The following RBFOX3 variants were observed in gnomAD, a reference collection of about 807,000 sequenced individuals.
The protein encoded by RBFOX3 is RNA binding protein fox-1 homolog 3.
Under a neutral mutation model 48.7 loss-of-function variants are expected in RBFOX3, and 17 were observed. The ratio of observed to expected loss-of-function variants is 0.35; its 90% CI spans 0.24 to 0.52. The LOEUF is 0.52. RBFOX3 is among the 20% of genes least tolerant of loss of function. RBFOX3 has a pLI of 0.94. For missense variants in RBFOX3, 382 were observed against 497.5 expected (o/e 0.77, Z 2.21); for synonymous variants, 212 against 209.5 (o/e 1.01, Z -0.10).
At chr17:79,463,546 CATCACCACT>C (rs1288060327) in intron 2 of RBFOX3, among the ~76,000 whole-genome samples, 29 of 145,176 alleles carry the variant, frequency 2.0e-4, no homozygotes, top group African/African-American at 6.2e-4. Context: ...CCTCCACCAC[CATCACCACT>C]GACACCTCCA....
In RBFOX3 at chr17:79,242,423, C is replaced by T. The variant is rs948204830; in HGVS notation, c.-73-6618G>A. Among the ~76,000 whole-genome samples, 1 of 152,028 alleles carries T rather than the reference C, an allele frequency of 6.6e-6. No homozygotes were observed. Among genetic ancestry groups the T allele is most frequent in the Non-Finnish European group, 1.5e-5 (1 of 67,996 alleles). The stretch of plus-strand genomic sequence containing the variant: ...AAATTTTTTATAAATTATAAAAAAT[C>T]AACTGTGGGTGGCTTAAACCTGGCT... On this transcript the variant is annotated intron_variant, in intron 3 of 14. Coordinates refer to ENST00000693108, the MANE Select transcript of RBFOX3 (RefSeq NM_001350451.2). This position sits in a 1 kb window ranked among gnomAD's most constrained non-coding sequence, Gnocchi z 5.8.
intron 3 of RBFOX3, among the ~76,000 whole-genome samples, chr17:79,285,380 T>C (rs941846550): frequency 1.2e-4 from 19 of 152,244 alleles, no homozygotes; most frequent in African/African-American, 4.3e-4. Flanking sequence ...TGGATGCAAA[T>C]GGTACTAGTT....
intron 3 of RBFOX3, among the ~76,000 whole-genome samples, chr17:79,265,552 A>C (rs2066549526): frequency 6.6e-6 from 1 of 152,126 alleles, no homozygotes; most frequent in Admixed American, 6.6e-5. Flanking sequence ...AGAGAGTCTG[A>C]TTTCCTTTTA....
intron 4 of RBFOX3, among the ~76,000 whole-genome samples, chr17:79,224,348 G>A (rs1411027125): frequency 1.3e-5 from 2 of 152,192 alleles, no homozygotes; most frequent in Non-Finnish European, 2.9e-5. Flanking sequence ...TCCGCCATCT[G>A]AGGCCACAGG....
intron 2 of RBFOX3, among the ~76,000 whole-genome samples, chr17:79,344,263 C>A (rs2082533694): frequency 6.6e-6 from 1 of 152,110 alleles, no homozygotes; most frequent in Non-Finnish European, 1.5e-5. Flanking sequence ...CAAAAAAATT[C>A]CTTGATTTGG....
intron 2 of RBFOX3, among the ~76,000 whole-genome samples, chr17:79,353,282 G>T (rs2084314018): frequency 6.6e-6 from 1 of 152,142 alleles, no homozygotes; most frequent in African/African-American, 2.4e-5. Flanking sequence ...TGGGAGCACT[G>T]CCCTCCCATC....
intron 2 of RBFOX3, among the ~76,000 whole-genome samples, chr17:79,396,460 C>T (rs903312225): frequency 1.3e-5 from 2 of 152,190 alleles, no homozygotes; most frequent in Non-Finnish European, 2.9e-5. Context: ...CTGTCTTCTC[C>T]AGCACAATGA....
chr17:79,149,267 G>A (rs1162424736), intron 4 of RBFOX3, among the ~76,000 whole-genome samples: 1 of 152,220 alleles, frequency 6.6e-6, no homozygotes, highest in Non-Finnish European at 1.5e-5. Context: ...GCTTAGTAGA[G>A]CGTGGGAGGC....
chr17:79,256,069 C>T (rs571729885), intron 3 of RBFOX3, among the ~76,000 whole-genome samples: 5 of 151,894 alleles, frequency 3.3e-5, no homozygotes, highest in East Asian at 3.9e-4. Context: ...CTGGTGCGGA[C>T]GGGAGGGGCT....
intron 3 of RBFOX3, among the ~76,000 whole-genome samples, chr17:79,262,681 G>A (rs1567938696): frequency 1.3e-5 from 2 of 152,188 alleles, no homozygotes; most frequent in Admixed American, 6.5e-5. Context: ...GGCAGGAGTG[G>A]AGCTACGGAT....
chr17:79,336,982 T>C (rs994216078), intron 2 of RBFOX3, among the ~76,000 whole-genome samples: 2 of 152,080 alleles, frequency 1.3e-5, no homozygotes, highest in Non-Finnish European at 2.9e-5. Context: ...TAGCTGGGCA[T>C]GGTAGTGCAC....
chr17:79,489,181 G>C (rs1244984811), intron 1 of RBFOX3, among the ~76,000 whole-genome samples: 3 of 144,448 alleles, frequency 2.1e-5, no homozygotes, highest in Non-Finnish European at 4.5e-5. Flanking sequence ...CTACGCCTTT[G>C]CTGGTTCATT....
intron 4 of RBFOX3, among the ~76,000 whole-genome samples, chr17:79,120,531 G>C (rs1223073631): frequency 6.6e-6 from 1 of 151,104 alleles, no homozygotes; most frequent in Non-Finnish European, 1.5e-5. Context: ...GGATGGGTGG[G>C]TGGATGGATG....
At chr17:79,190,619 C>T (rs1048408258) in intron 4 of RBFOX3, among the ~76,000 whole-genome samples, 6 of 152,188 alleles carry the variant, frequency 3.9e-5, no homozygotes, top group Admixed American at 6.5e-5. Flanking sequence ...GCTGTCTCTC[C>T]GGGGAGCCCA....
the RBFOX3 span, among the ~76,000 whole-genome samples, chr17:79,641,448 T>A: frequency 2.0e-5 from 3 of 152,184 alleles, no homozygotes; most frequent in African/African-American, 7.2e-5. Flanking sequence ...TACTTCTAGG[T>A]ATATATTCAA....
chr17:79,522,851 A>G (rs1351602848), intron 1 of RBFOX3, among the ~76,000 whole-genome samples: 1 of 146,208 alleles, frequency 6.8e-6, no homozygotes, highest in Admixed American at 7.2e-5. Flanking sequence ...AATCGCTTGA[A>G]CCTGGGAGGT....
intron 2 of RBFOX3, among the ~76,000 whole-genome samples, chr17:79,431,360 C>T (rs2068413781): frequency 6.6e-6 from 1 of 152,184 alleles, no homozygotes; most frequent in Non-Finnish European, 1.5e-5. Flanking sequence ...GTCCCCAAGG[C>T]TTGAGTGCAA....
rs1246262640 is a variant in RBFOX3, at chr17:79,097,756, G to C, written c.569-11C>G. The C allele has an allele frequency of 6.5e-7, 1 of 1,549,340 alleles. No individual in the cohort carries two copies. The highest frequency in any genetic ancestry group is 1.2e-5 in the South Asian group (1 of 84,034). The stretch of plus-strand genomic sequence containing the variant: ...GATTTAGCTTCCAGCCTAAAACAAA[G>C]GCACAGAGACCTAGTCACTGCCTTC... On this transcript the variant is annotated splice_polypyrimidine_tract_variant and intron_variant, in intron 9 of 14. Coordinates refer to ENST00000693108, the MANE Select transcript of RBFOX3 (RefSeq NM_001350451.2).
At chr17:79,100,256 C>G (rs575069194) in intron 9 of RBFOX3, 9 of 152,330 alleles carry the variant, frequency 5.9e-5, no homozygotes, top group Admixed American at 5.9e-4. Flanking sequence ...TTTGCAGCCC[C>G]GCTGGTTGAT....
Sources: allele counts gnomAD v4.1 joint callset (sites outside exome capture counted in the v4.1 genomes callset), GRCh38; gene constraint gnomAD v4.1.1; non-coding constraint Gnocchi (gnomAD v3.1); transcripts MANE v1.5; gene names NCBI Gene and HGNC (gene_info 2026-07-23, HGNC 2026-07-21).